NAA16: variants seen among roughly 807,000 people sequenced by gnomAD.
NAA16 encodes the protein N-alpha-acetyltransferase 16, NatA auxiliary subunit, also known as NARG1-like protein.
Under a neutral mutation model 110.3 loss-of-function variants are expected in NAA16, and 97 were observed. The ratio of observed to expected loss-of-function variants is 0.88; its 90% CI spans 0.75 to 1.04. The LOEUF is 1.04. Among genes scored for constraint, NAA16 ranks in the 50% least tolerant of loss-of-function variants. NAA16 has a pLI of 0.00. For synonymous variants in NAA16, 372 were observed against 330.6 expected, an observed-to-expected ratio of 1.13 and a Z score of -1.36; for missense variants, 1,017 against 1,005.1, an observed-to-expected ratio of 1.01 and a Z score of -0.16.
intron 8 of NAA16, among the ~76,000 whole-genome samples, chr13:41,332,097 T>G (rs1190930736): frequency 6.6e-6 from 1 of 152,120 alleles, no homozygotes; most frequent in Non-Finnish European, 1.5e-5. Flanking sequence ...TCTTGCTCTG[T>G]TACCAGGCTG....
intron 9 of NAA16, among the ~76,000 whole-genome samples, chr13:41,351,802 A>G (rs2042841986): frequency 6.6e-6 from 1 of 152,132 alleles, no homozygotes. Flanking sequence ...TAAGGTGGCC[A>G]TTTATGTTTT....
intron 1 of NAA16, 100 bp downstream of exon 1, chr13:41,311,682 T>C: frequency 9.2e-7 from 1 of 1,085,222 alleles, no homozygotes; most frequent in East Asian, 2.8e-5. Flanking sequence ...AGGCTTGGCC[T>C]CCGCTGCCCA....
chr13:41,349,707 G>A (rs1237754345), intron 9 of NAA16, among the ~76,000 whole-genome samples: 2 of 151,796 alleles, frequency 1.3e-5, no homozygotes, highest in African/African-American at 2.4e-5. Context: ...GCTCACGCCT[G>A]TAATACCAAC....
rs74049134 is a variant in NAA16 at position 41,337,034 on chromosome 13, T to C, written c.1014+278T>C. ...GACATTGTTACCAAAGGTATATATT[T>C]ATTTTGTGATTATTATTTTATGGTA... On this transcript the variant is annotated intron_variant, in intron 9 of 19. Coordinates refer to ENST00000379406, the MANE Select transcript of NAA16 (RefSeq NM_024561.5). Among the ~76,000 whole-genome samples, 1,056 of 152,328 alleles carry C rather than the reference T, an allele frequency of 6.9e-3. 16 individuals are homozygous for C. The highest frequency in any genetic ancestry group is 0.023 in the African/African-American group (976 of 41,574).
chr13:41,330,021 G>A (rs2042193357), intron 7 of NAA16, among the ~76,000 whole-genome samples: 1 of 22,378 alleles, frequency 4.5e-5, no homozygotes, highest in African/African-American at 3.1e-4. Context: ...CTAGGGTAGT[G>A]GATAATTTTT....
At chr13:41,351,710 G>A (rs1256496030) in intron 9 of NAA16, among the ~76,000 whole-genome samples, 1 of 152,166 alleles carries the variant, frequency 6.6e-6, no homozygotes, top group African/African-American at 2.4e-5. Context: ...TAATGTAGCT[G>A]TTAGAAGAAA....
chr13:41,367,799 T>C (rs554718774), intron 14 of NAA16, 147 bp downstream of exon 14: 652 of 549,366 alleles, frequency 1.2e-3, no homozygotes, highest in Non-Finnish European at 1.8e-3. Context: ...AAAACAAAAA[T>C]GTTGCAGAGA....
intron 5 of NAA16, among the ~76,000 whole-genome samples, chr13:41,323,578 T>A (rs937315561): frequency 1.3e-5 from 2 of 151,502 alleles, no homozygotes; most frequent in African/African-American, 4.8e-5. Context: ...GGTCTCGATC[T>A]TCCGACCTCG....
chr13:41,362,264 A>G, intron 13 of NAA16, 105 bp downstream of exon 13: 1 of 1,257,440 alleles, frequency 8.0e-7, no homozygotes, highest in Middle Eastern at 2.0e-4. Context: ...TGGGAGCTTC[A>G]TTGTGAAAAA....
At chr13:41,359,645 C>T (rs2043070800) in intron 12 of NAA16, among the ~76,000 whole-genome samples, 1 of 152,134 alleles carries the variant, frequency 6.6e-6, no homozygotes, top group South Asian at 2.1e-4. Flanking sequence ...GGGGAAAAAG[C>T]CTCCAATATC....
At chr13:41,314,244 A>G (rs1045614490) in intron 1 of NAA16, among the ~76,000 whole-genome samples, 5 of 152,210 alleles carry the variant, frequency 3.3e-5, no homozygotes, top group Admixed American at 1.3e-4. Flanking sequence ...ATAGGTGTTA[A>G]CTATTATTAC....
chr13:41,358,287 T>C lies in NAA16; in HGVS notation c.1088-17T>C. 3 of 1,598,922 alleles carry C rather than the reference T, an allele frequency of 1.9e-6. No homozygotes were observed. Among genetic ancestry groups the C allele is most frequent in the Non-Finnish European group, 2.6e-6 (3 of 1,167,848 alleles). ...TTACATTCTTTCTATAATAATTTAA[T>C]ATTTGTTTGATTGCAGAGAATGGGG... On this transcript the variant is annotated splice_polypyrimidine_tract_variant and intron_variant, in intron 10 of 19. Coordinates refer to ENST00000379406, the MANE Select transcript of NAA16 (RefSeq NM_024561.5).
At chr13:41,321,413 G>T (rs1013512224) in intron 4 of NAA16, among the ~76,000 whole-genome samples, 1 of 152,164 alleles carries the variant, frequency 6.6e-6, no homozygotes, top group African/African-American at 2.4e-5. Context: ...CTAGGCTCCA[G>T]TGATCTTCCC....
At chr13:41,336,504 A>C in intron 8 of NAA16, 146 bp from the exon 9 acceptor site, 1 of 551,014 alleles carries the variant, frequency 1.8e-6, no homozygotes, top group Non-Finnish European at 3.2e-6. Context: ...ATAGTTGATA[A>C]CTTTTACTTA....
chr13:41,362,743 A>T, intron 13 of NAA16: 1 of 1,289,754 alleles, frequency 7.8e-7, no homozygotes, highest in Non-Finnish European at 1.0e-6. Context: ...CTCTCCTTCC[A>T]CATGGACCAC....
At chr13:41,350,034 A>G (rs895972353) in intron 9 of NAA16, among the ~76,000 whole-genome samples, 1 of 151,056 alleles carries the variant, frequency 6.6e-6, no homozygotes, top group Non-Finnish European at 1.5e-5. Flanking sequence ...CTTTTATCCC[A>G]GCACTTTGGG....
At chr13:41,353,957 A>G (rs906884628) in intron 9 of NAA16, among the ~76,000 whole-genome samples, 1 of 152,240 alleles carries the variant, frequency 6.6e-6, no homozygotes, top group Non-Finnish European at 1.5e-5. Flanking sequence ...AACACAAAGA[A>G]TGTACCCATT....
chr13:41,323,615 G>T (rs1018858890), intron 5 of NAA16, among the ~76,000 whole-genome samples: 4 of 150,354 alleles, frequency 2.7e-5, no homozygotes, highest in African/African-American at 9.8e-5. Context: ...GCCTCCCAAA[G>T]TGCTGGGATT....
intron 18 of NAA16, 42 bp from the exon 19 acceptor site, chr13:41,374,695 TGTAAA>T: frequency 1.6e-6 from 2 of 1,234,622 alleles, no homozygotes; most frequent in South Asian, 1.3e-5. Context: ...TCACATAAAA[TGTAAA>T]GTATAGGTGT....
Sources: allele counts gnomAD v4.1 joint callset (sites outside exome capture counted in the v4.1 genomes callset), GRCh38; gene constraint gnomAD v4.1.1; transcripts MANE v1.5; gene names NCBI Gene and HGNC (gene_info 2026-07-23, HGNC 2026-07-21).